The following CDC42BPA variants were observed in gnomAD, a reference collection of about 807,000 sequenced individuals.
CDC42BPA encodes CDC42 binding protein kinase alpha, also known as serine/threonine-protein kinase MRCK alpha.
In CDC42BPA, 80 loss-of-function variants were observed where a neutral mutation model predicts 223.5. The ratio of observed to expected loss-of-function variants is 0.36; its 90% confidence interval spans 0.30 to 0.43. The LOEUF (loss-of-function observed/expected upper bound fraction) is 0.43, where lower values mean the gene tolerates loss of function less well. CDC42BPA is among the 20% of genes least tolerant of loss of function. The probability of loss-of-function intolerance (pLI) is 1.00; values close to 1 mark genes in which losing one functional copy is unlikely to be tolerated. For missense variants in CDC42BPA, 1,743 were observed against 2,099.9 expected, an observed-to-expected ratio of 0.83 and a Z score of 3.32; for synonymous variants, 694 against 718.6, an observed-to-expected ratio of 0.97 and a Z score of 0.55.
intron 27 of CDC42BPA, 73 bp from the exon 28 acceptor site, chr1:227,031,587 G>A: frequency 8.0e-7 from 1 of 1,246,696 alleles, no homozygotes. Context: ...GATTATGTTA[G>A]TTTGCTTAGC....
intron 1 of CDC42BPA, among the ~76,000 whole-genome samples, chr1:227,299,169 T>C (rs766456719): frequency 5.3e-5 from 8 of 152,236 alleles, no homozygotes; most frequent in African/African-American, 7.2e-5. Flanking sequence ...AAAATGAAAC[T>C]TGACTTTTTA....
At chr1:227,258,227 A>T (rs1572684311) in intron 1 of CDC42BPA, among the ~76,000 whole-genome samples, 3 of 149,482 alleles carry the variant, frequency 2.0e-5, no homozygotes, top group African/African-American at 7.6e-5. Flanking sequence ...TATCCCCCCA[A>T]ATAATTGTAA....
intron 6 of CDC42BPA, among the ~76,000 whole-genome samples, chr1:227,153,400 A>G (rs1009240623): frequency 6.6e-6 from 1 of 152,010 alleles, no homozygotes; most frequent in Non-Finnish European, 1.5e-5. Context: ...TAAATATAAT[A>G]CTATGAATAT....
chr1:227,043,561 C>G lies in CDC42BPA; in HGVS notation c.3094-3325G>C, dbSNP rs926085043. ...ATTTCTTGGGGAGAAATATTAGGTGCAACAAACTAAGTTAATATTTAATTC... is the reference window on the plus strand; with the variant it reads ...ATTTCTTGGGGAGAAATATTAGGTGGAACAAACTAAGTTAATATTTAATTC... On this transcript the variant is annotated intron_variant, in intron 23 of 36. Coordinates refer to ENST00000366766, the MANE Select transcript of CDC42BPA (RefSeq NM_001394014.1). Among the ~76,000 whole-genome samples, 8 of 151,788 alleles carry G rather than the reference C, an allele frequency of 5.3e-5. No homozygotes were observed. The South Asian group carries it at 1.7e-3, about 32-fold the overall frequency.
chr1:227,068,288 T>C (rs1357174716), intron 21 of CDC42BPA, among the ~76,000 whole-genome samples: 1 of 150,888 alleles, frequency 6.6e-6, no homozygotes, highest in Non-Finnish European at 1.5e-5. Flanking sequence ...AATTAAACAG[T>C]AAAGTGCTGA....
Position 226,994,990 on chromosome 1 carries a change from A to G in CDC42BPA, c.4976-10T>C. On this transcript the variant is annotated splice_polypyrimidine_tract_variant and intron_variant, in intron 35 of 36. Coordinates refer to ENST00000366766, the MANE Select transcript of CDC42BPA (RefSeq NM_001394014.1). This position sits in a 1 kb window ranked among gnomAD's most constrained non-coding sequence, Gnocchi z 4.0. ...TTCTGTGCGGATGACCCTACAGTACATCATGCAGGCAAAATTTTACATATG... is the reference window on the plus strand; with the variant it reads ...TTCTGTGCGGATGACCCTACAGTACGTCATGCAGGCAAAATTTTACATATG... 1 of 1,608,292 alleles carries G rather than the reference A, an allele frequency of 6.2e-7. No homozygotes were observed. The highest frequency in any genetic ancestry group is 2.2e-5 in the East Asian group (1 of 44,720).
At chr1:227,185,088 T>C (rs936243282) in intron 5 of CDC42BPA, among the ~76,000 whole-genome samples, 5 of 152,182 alleles carry the variant, frequency 3.3e-5, no homozygotes, top group South Asian at 2.1e-4. Context: ...AAGCTGTTAT[T>C]TTTCCAGCTA....
At chr1:227,207,753 T>C (rs1673063370) in intron 3 of CDC42BPA, among the ~76,000 whole-genome samples, 1 of 145,846 alleles carries the variant, frequency 6.9e-6, no homozygotes, top group Non-Finnish European at 1.5e-5. Flanking sequence ...ATTTTCTTAA[T>C]CCAGTCTATC....
Position 227,147,551 on chromosome 1 carries a change from G to A in CDC42BPA, c.702C>T (p.Ser234=), listed in dbSNP as rs746044821. 4 of 1,573,414 alleles carry A rather than the reference G, an allele frequency of 2.5e-6. No individual in the cohort carries two copies. The highest frequency in any genetic ancestry group is 1.4e-5 in the African/African-American group (1 of 73,036). The change falls in exon 7 of 37, where the codon TCC becomes TCT. Residue 234 remains serine (S), a synonymous_variant. Coordinates refer to ENST00000366766, the MANE Select transcript of CDC42BPA (RefSeq NM_001394014.1). The part of the protein sequence containing the change: ...LKLMEDGTVQ[S]SVAVGTPDYI... ...AATCTGGAGTTCCTACAGCCACTGA[G>A]GACTGAACCTGAAGAAATTTACATT...
intron 3 of CDC42BPA, among the ~76,000 whole-genome samples, chr1:227,205,270 A>C (rs1672472571): frequency 2.2e-5 from 2 of 91,352 alleles, no homozygotes; most frequent in Non-Finnish European, 4.4e-5. Context: ...CTCTGTCTCA[A>C]AAAAAAAAAA....
chr1:227,139,767 G>A, intron 9 of CDC42BPA, 25 bp from the exon 10 acceptor site: 1 of 1,401,686 alleles, frequency 7.1e-7, no homozygotes, highest in South Asian at 1.8e-5. Context: ...AAAAAATGTA[G>A]GTTCATACTG....
At chr1:227,066,217 C>T (rs1045308196) in intron 21 of CDC42BPA, among the ~76,000 whole-genome samples, 10 of 152,014 alleles carry the variant, frequency 6.6e-5, no homozygotes, top group African/African-American at 1.9e-4. Flanking sequence ...GGTGAAAGCC[C>T]GTCTCTACTA....
chr1:227,259,291 T>C (rs1683639245), intron 1 of CDC42BPA, among the ~76,000 whole-genome samples: 1 of 150,948 alleles, frequency 6.6e-6, no homozygotes, highest in Non-Finnish European at 1.5e-5. Context: ...TCAGAGTCAG[T>C]CTCTGCAGAT....
At chr1:227,157,252 T>C (rs957521995) in intron 6 of CDC42BPA, among the ~76,000 whole-genome samples, 7 of 152,244 alleles carry the variant, frequency 4.6e-5, no homozygotes, top group African/African-American at 1.7e-4. Context: ...GTCCAAACAG[T>C]ATCATTTCCT....
At chr1:227,297,556 C>A (rs1285701297) in intron 1 of CDC42BPA, among the ~76,000 whole-genome samples, 1 of 152,020 alleles carries the variant, frequency 6.6e-6, no homozygotes, top group African/African-American at 2.4e-5. Flanking sequence ...AACAAATGAA[C>A]AGATAAACAG....
At chr1:227,029,541 G>A (rs894329499) in intron 29 of CDC42BPA, among the ~76,000 whole-genome samples, 6 of 152,124 alleles carry the variant, frequency 3.9e-5, no homozygotes, top group Non-Finnish European at 8.8e-5. Flanking sequence ...CTAAATTCTA[G>A]GGAACGTCAC....
At chr1:227,277,259 C>CT (rs201533751) in intron 1 of CDC42BPA, among the ~76,000 whole-genome samples, 1,570 of 152,118 alleles carry the variant, frequency 0.01, 32 homozygotes, top group African/African-American at 0.035. Context: ...AATCCTATCT[C>CT]TAATAAAGAA....
chr1:227,124,043 T>A (rs1689120471), intron 11 of CDC42BPA, among the ~76,000 whole-genome samples: 1 of 152,154 alleles, frequency 6.6e-6, no homozygotes, highest in Non-Finnish European at 1.5e-5. Flanking sequence ...ATGAATTTTT[T>A]ATTTAAAAAA....
intron 13 of CDC42BPA, 98 bp from the exon 14 acceptor site, chr1:227,112,520 A>T: frequency 9.6e-7 from 1 of 1,036,398 alleles, no homozygotes; most frequent in Non-Finnish European, 1.3e-6. Context: ...CAGGAAGATA[A>T]TTCAAATGTT....
Sources: gnomAD v4.1 joint callset for allele counts (sites outside exome capture counted in the v4.1 genomes callset) on GRCh38, gnomAD v4.1.1 for gene constraint, Gnocchi (gnomAD v3.1) non-coding constraint, MANE v1.5 for transcripts, NCBI Gene and HGNC (gene_info 2026-07-23, HGNC 2026-07-21) for gene names.